PDHX: variants seen among roughly 807,000 people sequenced by gnomAD.
PDHX encodes the protein pyruvate dehydrogenase protein X component, mitochondrial.
In PDHX, 33 loss-of-function variants were observed where a neutral mutation model predicts 55.3. That is an observed-to-expected ratio of 0.60 (90% CI 0.45 to 0.80). PDHX has a LOEUF of 0.80. PDHX is among the 30% of genes least tolerant of loss of function. PDHX has a pLI of 0.00. For missense variants in PDHX, 622 were observed against 619.9 expected, an observed-to-expected ratio of 1.00 and a Z score of -0.04; for synonymous variants, 226 against 219.4, an observed-to-expected ratio of 1.03 and a Z score of -0.27.
At chr11:34,987,815 A>G (rs1213499797) in intron 9 of PDHX, among the ~76,000 whole-genome samples, 1 of 152,028 alleles carries the variant, frequency 6.6e-6, no homozygotes, top group Non-Finnish European at 1.5e-5. Flanking sequence ...GCAAGATTAT[A>G]TTGAATTCAG....
At chr11:34,916,506 A>G (rs1853704641), upstream of PDHX, 13 of 1,375,060 alleles carry the variant, frequency 9.5e-6, no homozygotes, top group Middle Eastern at 2.2e-4. Flanking sequence ...ACGTGGTTGG[A>G]GGCGGGGCTG....
intron 2 of PDHX, among the ~76,000 whole-genome samples, chr11:34,946,135 C>T (rs1172078036): frequency 4.6e-5 from 7 of 152,154 alleles, no homozygotes; most frequent in Non-Finnish European, 5.9e-5. Flanking sequence ...TGAAATTCTG[C>T]GTAGTTCATT....
chr11:34,936,060 A>T (rs548351941), intron 2 of PDHX, among the ~76,000 whole-genome samples: 1 of 152,314 alleles, frequency 6.6e-6, no homozygotes, highest in South Asian at 2.1e-4. Flanking sequence ...CTAATGACAG[A>T]TGTGGGGATC....
At chr11:34,987,543 C>A (rs1855673084) in intron 9 of PDHX, among the ~76,000 whole-genome samples, 1 of 151,678 alleles carries the variant, frequency 6.6e-6, no homozygotes, top group Admixed American at 6.6e-5. Flanking sequence ...TGAGCTCCTG[C>A]AAAATTAGTT....
chr11:34,992,580 G>A (rs1392132525), intron 10 of PDHX, among the ~76,000 whole-genome samples: 1 of 152,064 alleles, frequency 6.6e-6, no homozygotes, highest in Non-Finnish European at 1.5e-5. Flanking sequence ...TATTAGTGTT[G>A]AACTAAACGT....
chr11:34,948,880 A>C (rs1179906668), intron 3 of PDHX, among the ~76,000 whole-genome samples: 2 of 152,206 alleles, frequency 1.3e-5, no homozygotes, highest in Non-Finnish European at 2.9e-5. Context: ...TGCTTTTGGC[A>C]AACTGTGTTC....
At chr11:34,993,196 A>C (rs914231059) in intron 10 of PDHX, among the ~76,000 whole-genome samples, 1 of 152,014 alleles carries the variant, frequency 6.6e-6, no homozygotes, top group Non-Finnish European at 1.5e-5. Flanking sequence ...TTCTGGATAT[A>C]CAGACCTTTA....
chr11:34,979,308 A>G (rs1855453398), intron 8 of PDHX, among the ~76,000 whole-genome samples: 1 of 152,146 alleles, frequency 6.6e-6, no homozygotes, highest in African/African-American at 2.4e-5. Flanking sequence ...GCAGGAAGGC[A>G]GGTGAACATA....
At chr11:34,944,079 ATGTGT>A (rs1554986007) in intron 2 of PDHX, among the ~76,000 whole-genome samples, 1 of 147,756 alleles carries the variant, frequency 6.8e-6, no homozygotes, top group Non-Finnish European at 1.5e-5. Context: ...TAATACAAAT[ATGTGT>A]GTGTGTGTGT....
intron 2 of PDHX, among the ~76,000 whole-genome samples, chr11:34,933,379 A>G (rs1198372378): frequency 1.3e-5 from 2 of 152,230 alleles, no homozygotes; most frequent in Non-Finnish European, 2.9e-5. Context: ...CTCCAAAAGT[A>G]TAATCCTCAA....
intron 2 of PDHX, among the ~76,000 whole-genome samples, chr11:34,939,249 G>A (rs1219907168): frequency 3.3e-5 from 5 of 152,056 alleles, no homozygotes; most frequent in South Asian, 2.1e-4. Flanking sequence ...CTTTTTAAAT[G>A]TATGGTCACC....
intron 2 of PDHX, among the ~76,000 whole-genome samples, chr11:34,947,024 C>T (rs1487022818): frequency 1.3e-5 from 2 of 151,714 alleles, no homozygotes; most frequent in Non-Finnish European, 2.9e-5. Flanking sequence ...TCTTTTTATG[C>T]TTTATATGCT....
At chr11:34,916,436 G>C (rs1459736015), upstream of PDHX, 2 of 1,479,124 alleles carry the variant, frequency 1.4e-6, no homozygotes, top group Non-Finnish European at 1.8e-6. Flanking sequence ...CCGGGGTCTG[G>C]TAAGGCCCCG....
chr11:34,976,441 C>T (rs1325051122), intron 7 of PDHX, among the ~76,000 whole-genome samples: 2 of 152,134 alleles, frequency 1.3e-5, no homozygotes, highest in Non-Finnish European at 2.9e-5. Flanking sequence ...CTACTTTACA[C>T]ATGTTAGATT....
At chr11:34,922,920 G>C (rs189059049) in intron 1 of PDHX, among the ~76,000 whole-genome samples, 3 of 149,632 alleles carry the variant, frequency 2.0e-5, no homozygotes, top group Non-Finnish European at 4.4e-5. Context: ...TTGCTAGGCT[G>C]TAAATGGAAT....
chr11:34,970,995 A>G (rs981456517), intron 7 of PDHX, among the ~76,000 whole-genome samples: 1 of 152,214 alleles, frequency 6.6e-6, no homozygotes, highest in Admixed American at 6.5e-5. Flanking sequence ...TGAGTTGTGT[A>G]GACCAAATGG....
chr11:34,953,218 C>T (rs887297458), intron 3 of PDHX, among the ~76,000 whole-genome samples: 1 of 152,168 alleles, frequency 6.6e-6, no homozygotes, highest in Non-Finnish European at 1.5e-5. Context: ...AAAAATATTC[C>T]ATGCTCGTGG....
At chr11:34,941,898 C>G (rs568333985) in intron 2 of PDHX, 3 of 154,228 alleles carry the variant, frequency 1.9e-5, no homozygotes, top group Admixed American at 1.3e-4. Context: ...CTCCTGGGGC[C>G]CGCACTCTCG....
At chr11:34,989,660 T>C (rs1046860266) in intron 9 of PDHX, among the ~76,000 whole-genome samples, 2 of 152,228 alleles carry the variant, frequency 1.3e-5, no homozygotes, top group Non-Finnish European at 2.9e-5. Context: ...TGGCTTTTTT[T>C]CATCATTGGT....
Sources: allele counts gnomAD v4.1 joint callset (sites outside exome capture counted in the v4.1 genomes callset), GRCh38; gene constraint gnomAD v4.1.1; transcripts MANE v1.5; gene names NCBI Gene and HGNC (gene_info 2026-07-23, HGNC 2026-07-21).